KMT2E: variants seen among roughly 807,000 people sequenced by gnomAD.
The protein encoded by KMT2E is histone reader KMT2E.
KMT2E carries 30 observed loss-of-function variants against 184.6 expected under a neutral mutation model. The ratio of observed to expected loss-of-function variants is 0.16; its 90% CI spans 0.12 to 0.22. The LOEUF (loss-of-function observed/expected upper bound fraction) is 0.22, where lower values mean the gene tolerates loss of function less well. Among genes scored for constraint, KMT2E ranks in the 10% least tolerant of loss-of-function variants. The pLI is 1.00. For synonymous variants in KMT2E, 815 were observed against 776.5 expected (o/e 1.05, Z -0.82); for missense variants, 2,023 against 2,237.4 (o/e 0.90, Z 1.93).
intron 12 of KMT2E, among the ~76,000 whole-genome samples, chr7:105,079,677 A>G (rs1330987517): frequency 6.7e-6 from 1 of 150,200 alleles, no homozygotes; most frequent in African/African-American, 2.4e-5. Context: ...GGCGTGTGCA[A>G]CCATGCCCAG....
At chr7:105,022,609 G>A in intron 1 of KMT2E, among the ~76,000 whole-genome samples, 1 of 152,078 alleles carries the variant, frequency 6.6e-6, no homozygotes, top group East Asian at 1.9e-4. Flanking sequence ...CTTTGAGATT[G>A]TATAAATATC....
chr7:105,042,020 CAG>C (rs1263592682), intron 3 of KMT2E, among the ~76,000 whole-genome samples: 1 of 152,038 alleles, frequency 6.6e-6, no homozygotes, highest in Non-Finnish European at 1.5e-5. Context: ...TGTTTTGTGA[CAG>C]AGTCTCACTC....
chr7:105,101,815 A>G, intron 16 of KMT2E, 71 bp from the exon 17 acceptor site: 1 of 1,241,662 alleles, frequency 8.1e-7, no homozygotes, highest in South Asian at 1.5e-5. Context: ...CTGAAGTAGA[A>G]TAATGCTATT....
At chr7:105,096,556 T>C (rs1798420654) in intron 15 of KMT2E, among the ~76,000 whole-genome samples, 1 of 151,250 alleles carries the variant, frequency 6.6e-6, no homozygotes, top group Non-Finnish European at 1.5e-5. Flanking sequence ...TATTATAGTC[T>C]AGTCTGGAAT....
intron 8 of KMT2E, 40 bp downstream of exon 8, chr7:105,074,855 C>G: frequency 6.9e-7 from 1 of 1,443,942 alleles, no homozygotes; most frequent in Non-Finnish European, 9.3e-7. Flanking sequence ...GATAGGATAG[C>G]GGATAGGGAA....
intron 5 of KMT2E, among the ~76,000 whole-genome samples, chr7:105,066,277 C>A (rs1023118222): frequency 6.6e-6 from 1 of 152,120 alleles, no homozygotes; most frequent in Admixed American, 6.5e-5. Context: ...GAATATTTCT[C>A]TTCATATATG....
At chr7:105,045,051 A>G (rs1431090191) in intron 3 of KMT2E, among the ~76,000 whole-genome samples, 2 of 152,142 alleles carry the variant, frequency 1.3e-5, no homozygotes, top group Non-Finnish European at 2.9e-5. Flanking sequence ...TGTTCCTCTA[A>G]TTCCTGTAAT....
At chr7:105,070,163 T>G (rs1028020840) in intron 6 of KMT2E, among the ~76,000 whole-genome samples, 2 of 151,812 alleles carry the variant, frequency 1.3e-5, no homozygotes, top group Non-Finnish European at 1.5e-5. Flanking sequence ...GGTTTTTGTG[T>G]GAACCTAAGT....
At chr7:105,095,889 T>C (rs1798389524) in intron 15 of KMT2E, among the ~76,000 whole-genome samples, 1 of 152,140 alleles carries the variant, frequency 6.6e-6, no homozygotes, top group Non-Finnish European at 1.5e-5. Context: ...GGGGATTAGA[T>C]ACTGGGGGGT....
At position 105,112,543 on chromosome 7, in the gene KMT2E, A is replaced by G. The variant is rs774489364; in HGVS notation, c.4787A>G (p.Gln1596Arg). 1.9e-6 allele frequency: 3 copies of G among 1,614,008 alleles called. No individual in the cohort carries two copies. The East Asian group carries it at 6.7e-5, about 36-fold the overall frequency. ...PNQALPGTTS[Q>R]QTVPGHHVTP... ...CAAGCACTTCCTGGCACCACAAGCC[A>G]GCAAACAGTTCCAGGACACCACGTG... The change falls in exon 27 of 27, where the codon CAG becomes CGG. Residue 1596 changes from glutamine to arginine, a missense_variant. Gln to Arg is a conservative substitution (Grantham distance 43). This residue lies in a region of KMT2E where 1,108 missense variants were observed against 1,050.9 expected (regional missense o/e 1.05). Transcript: ENST00000311117.
At chr7:105,041,494 C>T (rs1461965253) in intron 3 of KMT2E, among the ~76,000 whole-genome samples, 1 of 152,096 alleles carries the variant, frequency 6.6e-6, no homozygotes, top group African/African-American at 2.4e-5. Context: ...CTCTGCCTCC[C>T]GGGTTCAAGC....
At chr7:105,087,911 A>G (rs73184087) in intron 13 of KMT2E, among the ~76,000 whole-genome samples, 3,679 of 130,524 alleles carry the variant, frequency 0.028, 66 homozygotes, top group Non-Finnish European at 0.041. Flanking sequence ...CTCTTATTCT[A>G]TATATTTTTA....
chr7:105,028,608 C>T (rs1023398181), intron 1 of KMT2E, among the ~76,000 whole-genome samples: 3 of 152,152 alleles, frequency 2.0e-5, no homozygotes, highest in Admixed American at 6.5e-5. Context: ...TCTTGCACCT[C>T]AGCTTCCCTA....
chr7:105,113,049 G>A lies in KMT2E; in HGVS notation c.5293G>A (p.Ala1765Thr). ...HPTVPPYPSQ[A>T]THHTTLGPGP... ...AACTGTACCACCGTATCCCTCACAA[G>A]CTACACATCATACCACTTTGGGACC... Residue 1765 changes from alanine (A) to threonine (T), a missense_variant, in exon 27 of 27, where the codon GCT (alanine) becomes ACT (threonine). Around this residue, in one of 8 missense-constraint regions of KMT2E, gnomAD observed 1,108 missense variants for 1,050.9 expected, o/e 1.05. Coordinates refer to ENST00000311117, the MANE Select transcript of KMT2E (RefSeq NM_182931.3). 6.2e-7 allele frequency: 1 copy of A among 1,613,988 alleles called. No individual in the cohort carries two copies. Among genetic ancestry groups the A allele is most frequent in the South Asian group, 1.1e-5 (1 of 91,062 alleles).
chr7:105,064,164 GTTTTTT>G (rs66946883), intron 5 of KMT2E: 439 of 76,010 alleles, frequency 5.8e-3, no homozygotes, highest in South Asian at 0.017. Flanking sequence ...TTTTTTCTTG[GTTTTTT>G]TTTTTTTTTT....
chr7:105,027,127 A>C (rs1795208167), intron 1 of KMT2E, among the ~76,000 whole-genome samples: 1 of 131,362 alleles, frequency 7.6e-6, no homozygotes, highest in Admixed American at 8.8e-5. Context: ...TGTCACCCAG[A>C]CTGGAGGGCA....
intron 1 of KMT2E, among the ~76,000 whole-genome samples, chr7:105,023,268 G>A (rs917634473): frequency 1.3e-5 from 2 of 151,896 alleles, no homozygotes; most frequent in Admixed American, 1.3e-4. Flanking sequence ...TGGGCGTGGT[G>A]GCGGGCCCCT....
chr7:105,043,383 C>T (rs1795964304), intron 3 of KMT2E, among the ~76,000 whole-genome samples: 1 of 150,864 alleles, frequency 6.6e-6, no homozygotes. Context: ...ACTACAGGCG[C>T]CCGCCACTAC....
At chr7:105,111,237 C>G (rs1799245308) in intron 26 of KMT2E, 1 of 191,754 alleles carries the variant, frequency 5.2e-6, no homozygotes, top group Non-Finnish European at 1.1e-5. Context: ...ACATCTTCAT[C>G]CTGGTTCATG....
Sources: gnomAD v4.1 joint callset for allele counts (sites outside exome capture counted in the v4.1 genomes callset) on GRCh38, gnomAD v4.1.1 for gene constraint, gnomAD v4.1.1 regional missense constraint, MANE v1.5 for transcripts, NCBI Gene and HGNC (gene_info 2026-07-23, HGNC 2026-07-21) for gene names.